Variants in ROCK2 observed in about 807,000 individuals in gnomAD.
The protein encoded by ROCK2 is rho-associated protein kinase 2.
In ROCK2, 61 loss-of-function variants were observed where a neutral mutation model predicts 195.1. The observed-to-expected ratio is 0.31, with a 90% CI of 0.25 to 0.39. ROCK2 has a LOEUF of 0.39. Among genes scored for constraint, ROCK2 ranks in the 10% least tolerant of loss-of-function variants. The pLI is 1.00. For synonymous variants in ROCK2, 504 were observed against 545.5 expected (o/e 0.92, Z 1.06); for missense variants, 1,109 against 1,637.4 (o/e 0.68, Z 5.57).
chr2:11,309,007 T>C (rs530966639), intron 1 of ROCK2: 1 of 1,592,298 alleles, frequency 6.3e-7, no homozygotes, highest in South Asian at 1.1e-5. Flanking sequence ...CATAGCTCTG[T>C]GTAGCGTATT....
intron 27 of ROCK2, 66 bp from the exon 28 acceptor site, chr2:11,195,091 A>G: frequency 1.2e-6 from 1 of 822,488 alleles, no homozygotes; most frequent in Non-Finnish European, 1.9e-6. Flanking sequence ...AGAACTTAAT[A>G]AAATTTTAAT....
intron 1 of ROCK2, among the ~76,000 whole-genome samples, chr2:11,325,163 AT>A (rs966944678): frequency 6.6e-6 from 1 of 152,124 alleles, no homozygotes; most frequent in African/African-American, 2.4e-5. Flanking sequence ...TTATAAGTAG[AT>A]TTTTTTTCCA....
chr2:11,212,327 G>A (rs553423898), intron 17 of ROCK2, among the ~76,000 whole-genome samples: 1 of 152,078 alleles, frequency 6.6e-6, no homozygotes, highest in Admixed American at 6.6e-5. Flanking sequence ...ACTTCCCACT[G>A]TACCCAACAG....
intron 1 of ROCK2, among the ~76,000 whole-genome samples, chr2:11,307,732 C>G (rs1392619778): frequency 6.6e-6 from 1 of 152,212 alleles, no homozygotes; most frequent in Non-Finnish European, 1.5e-5. Flanking sequence ...TCCACGGTTT[C>G]TGAATCCACT....
chr2:11,188,869 C>CT (rs1297978758), intron 32 of ROCK2, among the ~76,000 whole-genome samples: 2 of 151,906 alleles, frequency 1.3e-5, no homozygotes, highest in Admixed American at 6.6e-5. Context: ...CGTGATCCAC[C>CT]TGCCTCGGCC....
chr2:11,186,194 A>G (rs1456836277), intron 32 of ROCK2, among the ~76,000 whole-genome samples: 1 of 152,226 alleles, frequency 6.6e-6, no homozygotes, highest in Non-Finnish European at 1.5e-5. Context: ...CACTGAACAC[A>G]TATCGCAACC....
At chr2:11,270,130 A>C (rs1666576158) in intron 3 of ROCK2, among the ~76,000 whole-genome samples, 2 of 11,720 alleles carry the variant, frequency 1.7e-4, no homozygotes, top group Non-Finnish European at 4.2e-4. Context: ...TTTTATTCGC[A>C]ATTTTGCTTT....
At chr2:11,308,489 T>G (rs1234314121) in intron 1 of ROCK2, 1 of 1,598,950 alleles carries the variant, frequency 6.3e-7, no homozygotes, top group African/African-American at 1.3e-5. Flanking sequence ...CGGTACTTTC[T>G]TACCAAGGTT....
intron 1 of ROCK2, among the ~76,000 whole-genome samples, chr2:11,318,727 G>A (rs967286485): frequency 9.2e-5 from 14 of 152,036 alleles, no homozygotes; most frequent in African/African-American, 2.4e-4. Context: ...GGGTTTTTAC[G>A]GTTTTAAATG....
At chr2:11,330,287 T>C (rs960457040) in intron 1 of ROCK2, among the ~76,000 whole-genome samples, 5 of 152,226 alleles carry the variant, frequency 3.3e-5, no homozygotes, top group African/African-American at 1.2e-4. Flanking sequence ...GCTTTAAAGA[T>C]ACTTTTATTA....
At chr2:11,214,231 A>C in intron 17 of ROCK2, 126 bp downstream of exon 17, 1 of 607,170 alleles carries the variant, frequency 1.6e-6, no homozygotes, top group South Asian at 2.0e-5. Context: ...ATCAAGTCCA[A>C]ATCAAAAGGA....
intron 30 of ROCK2, among the ~76,000 whole-genome samples, chr2:11,193,106 T>C (rs1201609177): frequency 6.6e-6 from 1 of 152,202 alleles, no homozygotes; most frequent in Non-Finnish European, 1.5e-5. Context: ...TGGTGTTTTG[T>C]AATACTTAAC....
chr2:11,218,288 T>C (rs951003431), intron 11 of ROCK2, 167 bp downstream of exon 11: 4 of 455,668 alleles, frequency 8.8e-6, no homozygotes, highest in African/African-American at 2.0e-5. Context: ...TTTAAACAGA[T>C]CCACAGAACA....
chr2:11,216,286 T>C, intron 12 of ROCK2, 80 bp from the exon 13 acceptor site: 3 of 1,043,290 alleles, frequency 2.9e-6, no homozygotes, highest in Non-Finnish European at 4.4e-6. Flanking sequence ...AGTAATTACA[T>C]AATTACTTGG....
chr2:11,283,587 C>CAAGGAAGAAAGA (rs374906700), intron 3 of ROCK2, among the ~76,000 whole-genome samples: 8 of 126,484 alleles, frequency 6.3e-5, no homozygotes, highest in African/African-American at 2.3e-4. Context: ...AAAAAAAAAG[C>CAAGGAAGAAAGA]AAGAAAGAAA....
chr2:11,260,595 T>A (rs1666193715), intron 3 of ROCK2, among the ~76,000 whole-genome samples: 3 of 152,126 alleles, frequency 2.0e-5, no homozygotes. Flanking sequence ...CCATACAACA[T>A]TAAGAGCCAA....
chr2:11,190,360 GTT>G (rs10589703), intron 32 of ROCK2, among the ~76,000 whole-genome samples: 1 of 106,796 alleles, frequency 9.4e-6, no homozygotes, highest in African/African-American at 2.9e-5. Flanking sequence ...AAGGCCAGAA[GTT>G]TTTTAAAAAA....
intron 1 of ROCK2, among the ~76,000 whole-genome samples, chr2:11,299,349 G>A (rs1044956916): frequency 4.6e-5 from 7 of 151,176 alleles, no homozygotes; most frequent in Non-Finnish European, 1.0e-4. Context: ...CAATTTTCCA[G>A]TCAAATATTA....
intron 1 of ROCK2, among the ~76,000 whole-genome samples, chr2:11,339,569 T>C (rs1319355177): frequency 6.7e-6 from 1 of 150,262 alleles, no homozygotes; most frequent in Non-Finnish European, 1.5e-5. Context: ...AAGAAAACTG[T>C]AAATATCCAT....
Sources: allele counts gnomAD v4.1 joint callset (sites outside exome capture counted in the v4.1 genomes callset), GRCh38; gene constraint gnomAD v4.1.1; transcripts MANE v1.5; gene names NCBI Gene and HGNC (gene_info 2026-07-23, HGNC 2026-07-21).